ADCY3: variants seen among roughly 807,000 people sequenced by gnomAD.
ADCY3 encodes adenylate cyclase 3, also known as adenylate cyclase type 3.
A neutral mutation model predicts 119.4 loss-of-function variants in ADCY3; 70 were observed. The observed-to-expected ratio is 0.59, with a 90% CI of 0.48 to 0.72. ADCY3 has a LOEUF of 0.72. Among genes scored for constraint, ADCY3 ranks in the 30% least tolerant of loss-of-function variants. ADCY3 has a pLI of 0.00. For missense variants in ADCY3, 1,238 were observed against 1,541.6 expected (o/e 0.80, Z 3.30); for synonymous variants, 672 against 621.4 (o/e 1.08, Z -1.21).
intron 20 of ADCY3, chr2:24,821,287 G>T (rs947399822): frequency 2.4e-5 from 13 of 550,978 alleles, no homozygotes; most frequent in South Asian, 7.8e-5. Context: ...AGCTTCTATT[G>T]TAACAGTAGG....
Position 24,873,136 on chromosome 2 carries a change from G to A in ADCY3, c.676-417C>T, listed in dbSNP as rs146842903. ...CAAGCAGCACTCACTCAGGTGCTCT[G>A]CCAATTTGTTGGTAAGGAGGGTGCA... is the stretch of plus-strand genomic sequence containing the variant. On this transcript the variant is annotated intron_variant, in intron 2 of 21. Coordinates refer to ENST00000679454, the MANE Select transcript of ADCY3 (RefSeq NM_004036.5). Among the ~76,000 whole-genome samples the A allele has an allele frequency of 2.4e-4, 36 of 152,332 alleles. No individual in the cohort carries two copies. In the East Asian group the frequency reaches 6.6e-3, roughly 28 times the overall value.
chr2:24,906,134 C>T (rs1168678114), intron 2 of ADCY3, among the ~76,000 whole-genome samples: 2 of 151,972 alleles, frequency 1.3e-5, no homozygotes, highest in Non-Finnish European at 2.9e-5. Flanking sequence ...TGGTGAAACC[C>T]CGTCTCTACT....
intron 2 of ADCY3, among the ~76,000 whole-genome samples, chr2:24,880,218 A>AG (rs1196033223): frequency 3.3e-5 from 5 of 152,260 alleles, no homozygotes; most frequent in African/African-American, 1.2e-4. Flanking sequence ...ATAGGCATCC[A>AG]GCCCATCTGA....
chr2:24,830,288 C>T (rs1470468235), intron 13 of ADCY3, among the ~76,000 whole-genome samples: 1 of 152,122 alleles, frequency 6.6e-6, no homozygotes, highest in Non-Finnish European at 1.5e-5. Context: ...ATCCGCCCAC[C>T]TTGGCCTCCC....
At chr2:24,901,326 A>T (rs954840337) in intron 2 of ADCY3, among the ~76,000 whole-genome samples, 2 of 152,248 alleles carry the variant, frequency 1.3e-5, no homozygotes, top group Admixed American at 6.5e-5. Context: ...TTTAGTCCCA[A>T]ACCTGTTTAT....
At chr2:24,865,151 G>A (rs770152078) in intron 3 of ADCY3, among the ~76,000 whole-genome samples, 15 of 152,130 alleles carry the variant, frequency 9.9e-5, no homozygotes, top group Non-Finnish European at 1.9e-4. Context: ...GACTTAGAAT[G>A]CTCTCTAAGA....
chr2:24,826,169 C>T, intron 15 of ADCY3, 43 bp from the exon 16 acceptor site: 20 of 1,570,176 alleles, frequency 1.3e-5, no homozygotes, highest in Non-Finnish European at 1.8e-5. Flanking sequence ...TGTCATCTGC[C>T]TCCTGGAGGG....
intron 13 of ADCY3, among the ~76,000 whole-genome samples, chr2:24,830,308 G>C (rs1282958817): frequency 1.3e-5 from 2 of 152,122 alleles, no homozygotes; most frequent in Non-Finnish European, 2.9e-5. Flanking sequence ...CAAAGTGCTG[G>C]GATTACAGGC....
intron 13 of ADCY3, among the ~76,000 whole-genome samples, chr2:24,828,749 C>T (rs1413759903): frequency 1.3e-5 from 2 of 152,240 alleles, no homozygotes; most frequent in East Asian, 3.9e-4. Context: ...CTTGCTTGCG[C>T]GATTCCCGCC....
At chr2:24,884,608 T>C (rs1676810391) in intron 2 of ADCY3, among the ~76,000 whole-genome samples, 1 of 151,572 alleles carries the variant, frequency 6.6e-6, no homozygotes, top group African/African-American at 2.4e-5. Flanking sequence ...CCCGAGTATC[T>C]GGGATTTACA....
chr2:24,859,736 T>C (rs2148714445), intron 3 of ADCY3, among the ~76,000 whole-genome samples: 1 of 152,150 alleles, frequency 6.6e-6, no homozygotes, highest in South Asian at 2.1e-4. Context: ...AAAAACACCA[T>C]CCCTAGTAAC....
chr2:24,860,137 T>C (rs1673462839), intron 3 of ADCY3, among the ~76,000 whole-genome samples: 1 of 152,228 alleles, frequency 6.6e-6, no homozygotes, highest in Non-Finnish European at 1.5e-5. Flanking sequence ...ATTCTGAGTA[T>C]GATTCAGAGA....
intron 2 of ADCY3, among the ~76,000 whole-genome samples, chr2:24,891,067 G>A (rs1381684299): frequency 2.6e-5 from 4 of 151,894 alleles, no homozygotes; most frequent in Admixed American, 6.6e-5. Flanking sequence ...ATGGGGTTTC[G>A]CCATGTTGGC....
chr2:24,850,309 T>A (rs1194104512), intron 3 of ADCY3, among the ~76,000 whole-genome samples: 1 of 152,172 alleles, frequency 6.6e-6, no homozygotes, highest in Non-Finnish European at 1.5e-5. Context: ...ACGGACCTTC[T>A]AGAAAAATGC....
At chr2:24,907,063 G>T (rs932906529) in intron 2 of ADCY3, among the ~76,000 whole-genome samples, 1 of 152,008 alleles carries the variant, frequency 6.6e-6, no homozygotes, top group African/African-American at 2.4e-5. Context: ...CCCAGGAGGC[G>T]GAGGTTACAG....
chr2:24,845,842 C>T (rs542490745), intron 3 of ADCY3, among the ~76,000 whole-genome samples: 1 of 152,220 alleles, frequency 6.6e-6, no homozygotes, highest in Non-Finnish European at 1.5e-5. Flanking sequence ...GCCCAGGGTG[C>T]CCATGCTGTG....
intron 3 of ADCY3, among the ~76,000 whole-genome samples, chr2:24,860,779 A>C (rs778583175): frequency 1.3e-5 from 2 of 152,164 alleles, no homozygotes; most frequent in Admixed American, 1.3e-4. Context: ...CATCTTCATA[A>C]CAGAAGGTAC....
rs148392306 is a variant in ADCY3 at position 24,898,197 on chromosome 2, G to A, written c.675+20116C>T. 1.0e-3 allele frequency among the ~76,000 whole-genome samples: 158 copies of A among 152,116 alleles called. 1 individual carries two copies. Among genetic ancestry groups the A allele is most frequent in the African/African-American group, 3.6e-3 (149 of 41,480 alleles). On this transcript the variant is annotated intron_variant, in intron 2 of 21. Transcript: ENST00000679454. The surrounding 1 kb of genome is among the most constrained non-coding windows in gnomAD (Gnocchi z 4.3). ...ACTGACCTCAGGATCGAAATCCAAC[G>A]TGCCCTTCACGGCCCAGCTCAGTAC...
intron 16 of ADCY3, 186 bp downstream of exon 16, chr2:24,825,859 G>A (rs1668548069): frequency 1.6e-6 from 1 of 615,632 alleles, no homozygotes; most frequent in African/African-American, 1.9e-5. Context: ...GTGAGGAACT[G>A]TCTTCCTGTG....
Sources: gnomAD v4.1 joint callset for allele counts (sites outside exome capture counted in the v4.1 genomes callset) on GRCh38, gnomAD v4.1.1 for gene constraint, Gnocchi (gnomAD v3.1) non-coding constraint, MANE v1.5 for transcripts, NCBI Gene and HGNC (gene_info 2026-07-23, HGNC 2026-07-21) for gene names.